Variants in AP1B1 observed in about 807,000 individuals in gnomAD.
The protein encoded by AP1B1 is AP-1 complex subunit beta-1.
AP1B1 carries 36 observed loss-of-function variants against 104.3 expected under a neutral mutation model. The observed-to-expected ratio is 0.35, with a 90% CI of 0.26 to 0.46. The LOEUF (loss-of-function observed/expected upper bound fraction) is 0.46. AP1B1 is among the 20% of genes least tolerant of loss of function. The pLI, the probability that AP1B1 is intolerant of heterozygous loss-of-function variation, is 1.00. For synonymous variants in AP1B1, 504 were observed against 517.5 expected (o/e 0.97, Z 0.35); for missense variants, 901 against 1,247.9 (o/e 0.72, Z 4.19).
chr22:29,360,733 T>C (rs1271171435), intron 3 of AP1B1, among the ~76,000 whole-genome samples: 2 of 152,252 alleles, frequency 1.3e-5, no homozygotes, highest in Non-Finnish European at 2.9e-5. Flanking sequence ...TCCGTGCTCA[T>C]GACCACTGGG....
At chr22:29,332,215 G>A in intron 17 of AP1B1, 1 of 306,812 alleles carries the variant, frequency 3.3e-6, no homozygotes, top group Non-Finnish European at 6.0e-6. Context: ...GGCCCAGGTA[G>A]GCAGGCCTTG....
rs187059880 is a variant in AP1B1 at position 29,357,221 on chromosome 22, C to T, written c.526-605G>A. 2.3e-3 allele frequency among the ~76,000 whole-genome samples: 351 copies of T among 152,168 alleles called. 1 individual carries two copies. The highest frequency in any genetic ancestry group is 0.02 in the Middle Eastern group (6 of 294). On this transcript the variant is annotated intron_variant, in intron 5 of 22. Transcript: ENST00000357586. ...TGGGACTGATTACAGGCATGCACCA[C>T]CACACTCAGCTGATTTTTGTATTTT...
intron 11 of AP1B1, among the ~76,000 whole-genome samples, chr22:29,348,702 T>C (rs1046917353): frequency 3.9e-5 from 6 of 152,192 alleles, no homozygotes; most frequent in African/African-American, 1.4e-4. Context: ...GCCATGACTA[T>C]GGAACAGAAG....
intron 1 of AP1B1, among the ~76,000 whole-genome samples, chr22:29,381,484 A>G (rs1366574872): frequency 6.6e-6 from 1 of 152,130 alleles, no homozygotes; most frequent in East Asian, 1.9e-4. Context: ...GGCAAATTTC[A>G]TGTTTTGTAA....
At chr22:29,363,954 A>G (rs2062092636) in intron 2 of AP1B1, among the ~76,000 whole-genome samples, 1 of 152,178 alleles carries the variant, frequency 6.6e-6, no homozygotes, top group Non-Finnish European at 1.5e-5. Context: ...TGGAAGCTAC[A>G]AAGGTTCTGA....
intron 1 of AP1B1, among the ~76,000 whole-genome samples, chr22:29,373,812 G>C (rs368474372): frequency 6.6e-6 from 1 of 151,442 alleles, no homozygotes; most frequent in African/African-American, 2.4e-5. Context: ...TGAAGCACAA[G>C]AATCGCTTGA....
rs1224161964 is a variant in AP1B1 at position 29,328,650 on chromosome 22, G to C, written c.*171C>G. ...GTGCACTGCGCTCTCACCCCAGGAG[G>C]GGGTGGTGCCCTACCCCAGGGATCG... is the stretch of plus-strand genomic sequence containing the variant. On this transcript the variant is annotated 3_prime_UTR_variant, in exon 23 of 23. Transcript: ENST00000357586. The surrounding 1 kb of genome is among the most constrained non-coding windows in gnomAD (Gnocchi z 4.1). 2.6e-6 allele frequency: 2 copies of C among 759,610 alleles called. No individual in the cohort carries two copies. Among genetic ancestry groups the C allele is most frequent in the African/African-American group, 1.8e-5 (1 of 56,678 alleles). The allele number at this position is 759,610 out of a possible 1,614,324, so 47.1% of individuals were successfully genotyped here.
intron 2 of AP1B1, 94 bp from the exon 3 acceptor site, chr22:29,363,200 G>A (rs1192573435): frequency 2.6e-5 from 18 of 699,468 alleles, no homozygotes; most frequent in South Asian, 1.3e-4. Context: ...AGGGAGGCAC[G>A]TAAGACATCC....
intron 7 of AP1B1, among the ~76,000 whole-genome samples, chr22:29,352,203 A>T (rs901394215): frequency 6.6e-6 from 1 of 152,228 alleles, no homozygotes; most frequent in Admixed American, 6.5e-5. Context: ...CTGTACAGAA[A>T]CATGTTACTA....
At chr22:29,341,232 A>G (rs1277364472) in intron 13 of AP1B1, among the ~76,000 whole-genome samples, 4 of 152,244 alleles carry the variant, frequency 2.6e-5, no homozygotes, top group Non-Finnish European at 4.4e-5. Context: ...CAGCTCTGCT[A>G]GCTGTGAGAT....
At chr22:29,341,124 C>T (rs1218289102) in intron 13 of AP1B1, among the ~76,000 whole-genome samples, 1 of 152,230 alleles carries the variant, frequency 6.6e-6, no homozygotes, top group Non-Finnish European at 1.5e-5. Context: ...GATGCCAGTG[C>T]CCTAGGACGG....
At chr22:29,373,719 A>G (rs2062281761) in intron 1 of AP1B1, among the ~76,000 whole-genome samples, 1 of 152,274 alleles carries the variant, frequency 6.6e-6, no homozygotes, top group African/African-American at 2.4e-5. Flanking sequence ...CCTGGCTAAC[A>G]TGGTGAAACC....
intron 1 of AP1B1, among the ~76,000 whole-genome samples, chr22:29,369,837 AT>A (rs564733165): frequency 0.078 from 9,344 of 120,126 alleles, 441 homozygotes; most frequent in East Asian, 0.34. Context: ...ATTAAAAACG[AT>A]TTTTTTTTTT....
At chr22:29,329,826 T>C (rs2061530320) in intron 21 of AP1B1, 106 bp from the exon 22 acceptor site, 1 of 1,565,602 alleles carries the variant, frequency 6.4e-7, no homozygotes, top group Non-Finnish European at 8.7e-7. Context: ...CGACCAGCAC[T>C]GCCAGCAGGA....
At position 29,340,656 on chromosome 22, in the gene AP1B1, C is replaced by T. The variant is rs1186423157; in HGVS notation, c.1998G>A (p.Leu666=). 3 of 1,547,074 alleles carry T rather than the reference C, an allele frequency of 1.9e-6. No homozygotes were observed. The Admixed American group carries it at 5.9e-5, about 30-fold the overall frequency. The stretch of plus-strand genomic sequence containing the variant: ...CATCCAGAGGGGGCCCACAACATAC[C>T]AGGCTGTCAAGGCCACCGCCAAGAA... ...VDLLGGGLDS[L]MGDEPEGIGG... Residue 666 remains leucine, a splice_region_variant and synonymous_variant, in exon 14 of 23, where the codon CTG becomes CTA. Transcript: ENST00000357586.
chr22:29,371,775 G>A (rs1364664097), intron 1 of AP1B1, among the ~76,000 whole-genome samples: 1 of 152,132 alleles, frequency 6.6e-6, no homozygotes, highest in Non-Finnish European at 1.5e-5. Flanking sequence ...TTAGGGTTTG[G>A]ATTCCATCTT....
chr22:29,375,380 T>C (rs1418305899), intron 1 of AP1B1, among the ~76,000 whole-genome samples: 3 of 128,154 alleles, frequency 2.3e-5, no homozygotes, highest in African/African-American at 8.5e-5. Flanking sequence ...AAAAAAAGCA[T>C]CTCAGATTTC....
At position 29,331,443 on chromosome 22, in the gene AP1B1, A is replaced by ACTCACCCATCTTCCCGTC. The variant is rs2061556100; in HGVS notation, c.2512_2524+5dup. On this transcript the variant is annotated splice_donor_region_variant and intron_variant, in intron 19 of 22. Transcript: ENST00000357586. ...AGGCACCCCAGCGGGCTCCCTCATG[A>ACTCACCCATCTTCCCGTC]CTCACCCATCTTCCCGTCCTCCACA... 6.2e-7 allele frequency: 1 copy of ACTCACCCATCTTCCCGTC among 1,613,904 alleles called. No homozygotes were observed. The highest frequency in any genetic ancestry group is 8.5e-7 in the Non-Finnish European group (1 of 1,179,886).
intron 4 of AP1B1, 62 bp downstream of exon 4, chr22:29,359,762 G>T (rs1440501952): frequency 1.2e-5 from 19 of 1,560,452 alleles, no homozygotes; most frequent in Non-Finnish European, 1.5e-5. Flanking sequence ...GCCCCAAAGA[G>T]ACTGAGGGGA....
Sources: gnomAD v4.1 joint callset for allele counts (sites outside exome capture counted in the v4.1 genomes callset) on GRCh38, gnomAD v4.1.1 for gene constraint, Gnocchi (gnomAD v3.1) non-coding constraint, MANE v1.5 for transcripts, NCBI Gene and HGNC (gene_info 2026-07-23, HGNC 2026-07-21) for gene names.